MAP2K4: variants seen among roughly 807,000 people sequenced by gnomAD.
MAP2K4 encodes mitogen-activated protein kinase kinase 4.
Under a neutral mutation model 48.5 loss-of-function variants are expected in MAP2K4, and 4 were observed. That is an observed-to-expected ratio of 0.08 (90% CI 0.04 to 0.19). The LOEUF (loss-of-function observed/expected upper bound fraction) is 0.19. Among genes scored for constraint, MAP2K4 ranks in the 10% least tolerant of loss-of-function variants. The pLI is 1.00. For missense variants in MAP2K4, 258 were observed against 493.3 expected, an observed-to-expected ratio of 0.52 and a Z score of 4.52; for synonymous variants, 166 against 173.1, an observed-to-expected ratio of 0.96 and a Z score of 0.32.
rs1004674744 is a variant in MAP2K4 at position 12,142,943 on chromosome 17, C to A, written c.*1683C>A. 4.3e-6 allele frequency: 1 copy of A among 232,714 alleles called. No homozygotes were observed. The highest frequency in any genetic ancestry group is 1.8e-4 in the South Asian group (1 of 5,518). 14.4% of individuals were successfully genotyped at this position (232,714 alleles called of 1,614,324 possible). The stretch of plus-strand genomic sequence containing the variant: ...ATCGTGGCACGTATTGCTGTGTCTC[C>A]TCTCAGAGTGACAGTCATAAATACT... On this transcript the variant is annotated 3_prime_UTR_variant, in exon 11 of 11. Transcript: ENST00000353533.
intron 1 of MAP2K4, among the ~76,000 whole-genome samples, chr17:12,038,792 C>G (rs1374816588): frequency 3.9e-5 from 6 of 152,064 alleles, no homozygotes; most frequent in African/African-American, 1.4e-4. Flanking sequence ...ATAAAATTTC[C>G]AAAGTCATAT....
At chr17:12,106,534 A>G (rs906103110) in intron 4 of MAP2K4, among the ~76,000 whole-genome samples, 1 of 152,130 alleles carries the variant, frequency 6.6e-6, no homozygotes, top group Non-Finnish European at 1.5e-5. Context: ...TGTTCTGGGC[A>G]AGTAATTTTA....
At chr17:12,066,435 C>T (rs1306364490) in intron 2 of MAP2K4, among the ~76,000 whole-genome samples, 1 of 152,134 alleles carries the variant, frequency 6.6e-6, no homozygotes, top group Non-Finnish European at 1.5e-5. Flanking sequence ...TTTTTTTCTG[C>T]ACTTTTTTGT....
chr17:12,126,698 TG>T (rs1302472380), intron 8 of MAP2K4, among the ~76,000 whole-genome samples: 1 of 152,206 alleles, frequency 6.6e-6, no homozygotes, highest in South Asian at 2.1e-4. Context: ...ATGGATTTGC[TG>T]GGGGGTGGGG....
At chr17:12,066,019 A>G (rs1371114440) in intron 2 of MAP2K4, among the ~76,000 whole-genome samples, 1 of 152,168 alleles carries the variant, frequency 6.6e-6, no homozygotes, top group Non-Finnish European at 1.5e-5. Context: ...ATTCTAGAGT[A>G]TCTGTTGCAC....
At chr17:12,050,857 T>G (rs1970119815) in intron 1 of MAP2K4, among the ~76,000 whole-genome samples, 1 of 152,214 alleles carries the variant, frequency 6.6e-6, no homozygotes, top group Non-Finnish European at 1.5e-5. Flanking sequence ...CCTCAGTGAA[T>G]GTGGATACAC....
At chr17:12,046,123 C>A (rs1315898986) in intron 1 of MAP2K4, among the ~76,000 whole-genome samples, 2 of 152,132 alleles carry the variant, frequency 1.3e-5, no homozygotes, top group African/African-American at 4.8e-5. Context: ...TATGAGTGAA[C>A]TCTTTAAATG....
At chr17:12,041,060 A>G (rs1969763332) in intron 1 of MAP2K4, among the ~76,000 whole-genome samples, 1 of 152,380 alleles carries the variant, frequency 6.6e-6, no homozygotes, top group Admixed American at 6.5e-5. Flanking sequence ...AGTAGATAGA[A>G]TGCAGCATAT....
chr17:12,045,980 A>G (rs867573812), intron 1 of MAP2K4, among the ~76,000 whole-genome samples: 3 of 152,236 alleles, frequency 2.0e-5, no homozygotes, highest in Non-Finnish European at 4.4e-5. Context: ...GACTCTTGCT[A>G]TGCTGCAAAT....
At chr17:12,025,541 G>A (rs1330065237) in intron 1 of MAP2K4, among the ~76,000 whole-genome samples, 2 of 152,156 alleles carry the variant, frequency 1.3e-5, no homozygotes, top group African/African-American at 4.8e-5. Flanking sequence ...TGAGCCATTT[G>A]TAAAATACTT....
chr17:12,046,904 A>C (rs1377596648), intron 1 of MAP2K4, among the ~76,000 whole-genome samples: 1 of 152,034 alleles, frequency 6.6e-6, no homozygotes, highest in Non-Finnish European at 1.5e-5. Context: ...CTCTCCCTGA[A>C]GGCTTTTGTT....
chr17:12,118,494 C>G (rs1204078113), intron 7 of MAP2K4, among the ~76,000 whole-genome samples: 1 of 152,074 alleles, frequency 6.6e-6, no homozygotes, highest in Non-Finnish European at 1.5e-5. Context: ...CATTTTGTAC[C>G]AGTGCCTTAT....
chr17:12,028,026 A>C (rs375845368), intron 1 of MAP2K4, among the ~76,000 whole-genome samples: 1 of 152,054 alleles, frequency 6.6e-6, no homozygotes, highest in Non-Finnish European at 1.5e-5. Flanking sequence ...GACATTTTAG[A>C]TATATTTTCC....
chr17:12,088,593 A>AAT (rs1320750845), intron 3 of MAP2K4, among the ~76,000 whole-genome samples: 2 of 130,728 alleles, frequency 1.5e-5, no homozygotes, highest in Non-Finnish European at 3.2e-5. Context: ...ATATATATTA[A>AAT]ATATATTATA....
chr17:12,120,226 C>T (rs1972640487), intron 7 of MAP2K4, among the ~76,000 whole-genome samples: 1 of 151,940 alleles, frequency 6.6e-6, no homozygotes, highest in Admixed American at 6.6e-5. Flanking sequence ...TTTGGGAGGC[C>T]AAGGTAGGCG....
At chr17:12,115,987 G>T in intron 7 of MAP2K4, 2 of 389,842 alleles carry the variant, frequency 5.1e-6, no homozygotes, top group South Asian at 4.4e-5. Context: ...AGTCTGTTTT[G>T]TGGCACTCTA....
chr17:12,076,280 T>TGTGA (rs1491385566), intron 2 of MAP2K4, among the ~76,000 whole-genome samples: 1 of 3,242 alleles, frequency 3.1e-4, no homozygotes, highest in African/African-American at 5.4e-4. Flanking sequence ...GTCACAGTTC[T>TGTGA]GTGTGTGTGT....
intron 9 of MAP2K4, 113 bp downstream of exon 9, chr17:12,129,400 C>A: frequency 1.6e-6 from 2 of 1,238,436 alleles, no homozygotes; most frequent in Non-Finnish European, 1.2e-6. Context: ...GGTCACATCA[C>A]CCTACTTTTC....
chr17:12,128,311 T>A (rs1050740055), intron 8 of MAP2K4, among the ~76,000 whole-genome samples: 1 of 152,170 alleles, frequency 6.6e-6, no homozygotes, highest in Admixed American at 6.5e-5. Context: ...TCTCCTGACC[T>A]CCTGATCCAC....
Sources: allele counts gnomAD v4.1 joint callset (sites outside exome capture counted in the v4.1 genomes callset), GRCh38; gene constraint gnomAD v4.1.1; transcripts MANE v1.5; gene names NCBI Gene and HGNC (gene_info 2026-07-23, HGNC 2026-07-21).